Variants in METTL15 observed in about 807,000 individuals in gnomAD.
METTL15 encodes methyltransferase 15, mitochondrial 12S rRNA N4-cytidine.
A neutral mutation model predicts 38.3 loss-of-function variants in METTL15; 34 were observed. That is an observed-to-expected ratio of 0.89 (90% confidence interval 0.68 to 1.18). The LOEUF is 1.18. Ranked by LOEUF, METTL15 falls within the 50% of genes most tolerant of loss-of-function variation. The probability of loss-of-function intolerance (pLI) is 0.00; values close to 1 mark genes in which losing one functional copy is unlikely to be tolerated. For missense variants in METTL15, 438 were observed against 498.4 expected, an observed-to-expected ratio of 0.88 and a Z score of 1.15; for synonymous variants, 162 against 170.9, an observed-to-expected ratio of 0.95 and a Z score of 0.41.
At chr11:28,270,008 G>A (rs1564745) in intron 4 of METTL15, among the ~76,000 whole-genome samples, 70,160 of 152,034 alleles carry the variant, frequency 0.46, 17,800 homozygotes, top group Admixed American at 0.56. Flanking sequence ...ACTAACTTCA[G>A]TCAGTTTAGG....
chr11:28,413,271 C>T (rs1850745166), intron 5 of METTL15, among the ~76,000 whole-genome samples: 1 of 151,846 alleles, frequency 6.6e-6, no homozygotes, highest in Non-Finnish European at 1.5e-5. Context: ...CCATTCTTAC[C>T]TCCTCATTTA....
In METTL15 at chr11:28,382,671, T is replaced by C. The variant is rs561567367; in HGVS notation, c.*358+20635T>C. On this transcript the variant is annotated intron_variant and NMD_transcript_variant, in intron 5 of 7. Coordinates refer to the METTL15 transcript ENST00000532947. ...CAAGATGGAGAAACCCCATCTCTTC[T>C]ATAAATACAAAAACTTAGCCAGGCA... is the stretch of plus-strand genomic sequence containing the variant. 6.6e-5 allele frequency among the ~76,000 whole-genome samples: 10 copies of C among 152,106 alleles called. No individual in the cohort carries two copies. The East Asian group carries it at 1.9e-3, about 30-fold the overall frequency.
intron 6 of METTL15, among the ~76,000 whole-genome samples, chr11:28,492,427 G>T (rs1458876590): frequency 6.6e-6 from 1 of 151,976 alleles, no homozygotes; most frequent in Non-Finnish European, 1.5e-5. Flanking sequence ...CAGGTCCTGT[G>T]GGGGGTGGTA....
chr11:28,111,557 A>G (rs1851719914), intron 2 of METTL15, among the ~76,000 whole-genome samples: 1 of 152,242 alleles, frequency 6.6e-6, no homozygotes, highest in South Asian at 2.1e-4. Flanking sequence ...CTATTAAATT[A>G]CATAAGTGGA....
intron 3 of METTL15, among the ~76,000 whole-genome samples, chr11:28,127,513 T>C (rs1451019101): frequency 6.6e-6 from 1 of 152,164 alleles, no homozygotes; most frequent in Non-Finnish European, 1.5e-5. Context: ...AAATTGTTTA[T>C]GATACTTTCA....
rs181184846 is a variant in METTL15 at position 28,514,245 on chromosome 11, A to T, written c.*425-12233A>T. ...AGGTCTAAGCCAATCAACATATGCC[A>T]TCTACCCGACCAAGTTAGTCAAGTC... On this transcript the variant is annotated intron_variant and NMD_transcript_variant, in intron 6 of 7. Coordinates refer to the METTL15 transcript ENST00000532947. Among the ~76,000 whole-genome samples, 267 of 152,312 alleles carry T rather than the reference A, an allele frequency of 1.8e-3. 1 individual carries two copies. Among genetic ancestry groups the T allele is most frequent in the African/African-American group, 5.9e-3 (245 of 41,556 alleles).
chr11:28,426,831 G>A (rs1425857688), intron 6 of METTL15, among the ~76,000 whole-genome samples: 4 of 151,292 alleles, frequency 2.6e-5, no homozygotes, highest in Non-Finnish European at 5.9e-5. Context: ...TGTAGATGCT[G>A]GATATTAGAC....
At chr11:28,295,614 T>A (rs979163586) in intron 5 of METTL15, among the ~76,000 whole-genome samples, 37 of 149,986 alleles carry the variant, frequency 2.5e-4, no homozygotes, top group Admixed American at 5.3e-4. Context: ...AAAAAAAAAA[T>A]AATAATCTGA....
chr11:28,298,007 T>G (rs935670151), intron 6 of METTL15, among the ~76,000 whole-genome samples: 1 of 152,078 alleles, frequency 6.6e-6, no homozygotes, highest in Non-Finnish European at 1.5e-5. Context: ...ACTTAGTTAT[T>G]ATAATGAAAT....
At chr11:28,312,486 C>G (rs138977930) in intron 6 of METTL15, among the ~76,000 whole-genome samples, 1 of 152,288 alleles carries the variant, frequency 6.6e-6, no homozygotes, top group Admixed American at 6.5e-5. Flanking sequence ...TTGACTTCGT[C>G]TGTATACTCC....
chr11:28,197,665 C>T (rs1453949833), intron 3 of METTL15: 2 of 285,346 alleles, frequency 7.0e-6, no homozygotes, highest in Non-Finnish European at 1.4e-5. Flanking sequence ...ATGTAAGTTT[C>T]TATTTCTCCC....
intron 6 of METTL15, among the ~76,000 whole-genome samples, chr11:28,524,199 A>AT (rs1375092445): frequency 4.6e-5 from 7 of 152,176 alleles, no homozygotes; most frequent in Admixed American, 2.0e-4. Flanking sequence ...AAAATTTTTG[A>AT]TTTTTTTGAA....
At chr11:28,287,793 T>C (rs1856342621) in intron 4 of METTL15, among the ~76,000 whole-genome samples, 1 of 152,150 alleles carries the variant, frequency 6.6e-6, no homozygotes, top group African/African-American at 2.4e-5. Flanking sequence ...GCATAATTTT[T>C]GCTTATCCCT....
chr11:28,490,497 C>A (rs1851485550), intron 6 of METTL15, among the ~76,000 whole-genome samples: 1 of 152,090 alleles, frequency 6.6e-6, no homozygotes. Flanking sequence ...TTCAGTAGAT[C>A]ACAATTTTGG....
chr11:28,113,239 A>T (rs1319348007), intron 2 of METTL15, 79 bp from the exon 3 acceptor site: 3 of 946,966 alleles, frequency 3.2e-6, no homozygotes, highest in South Asian at 3.6e-5. Flanking sequence ...TAAATATTGC[A>T]TATTAATTTG....
At chr11:28,377,627 A>C (rs1850332173) in intron 5 of METTL15, among the ~76,000 whole-genome samples, 1 of 151,814 alleles carries the variant, frequency 6.6e-6, no homozygotes, top group African/African-American at 2.4e-5. Context: ...GCTCAGAGTA[A>C]TTTGATCGTC....
intron 4 of METTL15, among the ~76,000 whole-genome samples, chr11:28,213,233 A>G (rs902832031): frequency 4.6e-5 from 7 of 152,322 alleles, no homozygotes; most frequent in Admixed American, 2.0e-4. Flanking sequence ...GAGTAAGCCA[A>G]GAAGAAGGAA....
chr11:28,366,740 C>A (rs558563038), intron 5 of METTL15, among the ~76,000 whole-genome samples: 1 of 152,102 alleles, frequency 6.6e-6, no homozygotes, highest in African/African-American at 2.4e-5. Flanking sequence ...GCTAAATTGG[C>A]GCAGCATGCT....
intron 3 of METTL15, among the ~76,000 whole-genome samples, chr11:28,130,062 C>A (rs7112860): frequency 0.29 from 43,657 of 151,940 alleles, 7,068 homozygotes; most frequent in African/African-American, 0.43. Context: ...ATAATCCCAG[C>A]CCTTTGAGAG....
Sources: gnomAD v4.1 joint callset for allele counts (sites outside exome capture counted in the v4.1 genomes callset) on GRCh38, gnomAD v4.1.1 for gene constraint, MANE v1.5 for transcripts, NCBI Gene and HGNC (gene_info 2026-07-23, HGNC 2026-07-21) for gene names.